The following SOX6 variants were observed in gnomAD, a reference collection of about 807,000 sequenced individuals.
SOX6 encodes transcription factor SOX-6.
SOX6 carries 11 observed loss-of-function variants against 97.8 expected under a neutral mutation model. That is an observed-to-expected ratio of 0.11 (90% CI 0.07 to 0.19). The LOEUF (loss-of-function observed/expected upper bound fraction) is 0.19, where lower values mean the gene tolerates loss of function less well. Ranked by LOEUF, SOX6 falls within the 10% of genes least tolerant of loss-of-function variation. The probability of loss-of-function intolerance (pLI) is 1.00; values close to 1 mark genes in which losing one functional copy is unlikely to be tolerated. For synonymous variants in SOX6, 360 were observed against 371.4 expected, an observed-to-expected ratio of 0.97 and a Z score of 0.35; for missense variants, 810 against 1,039.5, an observed-to-expected ratio of 0.78 and a Z score of 3.04.
At chr11:16,138,865 A>T (rs1484218357) in intron 6 of SOX6, among the ~76,000 whole-genome samples, 1 of 152,124 alleles carries the variant, frequency 6.6e-6, no homozygotes, top group African/African-American at 2.4e-5. Context: ...CCTTGTCCCT[A>T]CAAAGGACAT....
At chr11:16,423,093 T>C (rs887781216) in intron 1 of SOX6, among the ~76,000 whole-genome samples, 15 of 152,242 alleles carry the variant, frequency 9.9e-5, no homozygotes, top group African/African-American at 3.6e-4. Context: ...CTACCTAACC[T>C]GGCTACCAGC....
intron 4 of SOX6, among the ~76,000 whole-genome samples, chr11:16,598,669 G>GC (rs1426460494): frequency 1.3e-5 from 2 of 151,608 alleles, no homozygotes; most frequent in Admixed American, 1.3e-4. Flanking sequence ...AAAATCTGTT[G>GC]CATTTTCTTT....
intron 6 of SOX6, among the ~76,000 whole-genome samples, chr11:16,170,699 T>C (rs1356768398): frequency 6.6e-6 from 1 of 152,002 alleles, no homozygotes; most frequent in Non-Finnish European, 1.5e-5. Flanking sequence ...TCTGTCAAGG[T>C]GGAGATTAAA....
chr11:16,394,810 C>T (rs1416498593), intron 1 of SOX6, among the ~76,000 whole-genome samples: 2 of 151,668 alleles, frequency 1.3e-5, no homozygotes, highest in African/African-American at 4.8e-5. Flanking sequence ...AAGATTATAG[C>T]CACTGGGGCT....
intron 3 of SOX6, among the ~76,000 whole-genome samples, chr11:16,294,624 T>G (rs1230651285): frequency 1.3e-5 from 2 of 152,098 alleles, no homozygotes; most frequent in South Asian, 2.1e-4. Flanking sequence ...CCAGTTTTAA[T>G]GCTGTTATAA....
At chr11:16,540,792 C>T (rs1343176855) in intron 4 of SOX6, among the ~76,000 whole-genome samples, 41 of 152,090 alleles carry the variant, frequency 2.7e-4, no homozygotes, top group African/African-American at 8.9e-4. Flanking sequence ...TCAAGGAGAA[C>T]TACAAACCAC....
At chr11:16,430,754 A>C (rs1374604541) in intron 1 of SOX6, among the ~76,000 whole-genome samples, 15 of 152,198 alleles carry the variant, frequency 9.9e-5, no homozygotes, top group African/African-American at 3.6e-4. Flanking sequence ...CAGCAGCCCA[A>C]GTTGACTGAG....
intron 15 of SOX6, among the ~76,000 whole-genome samples, chr11:15,979,658 T>C (rs1853604330): frequency 6.6e-6 from 1 of 152,076 alleles, no homozygotes; most frequent in Non-Finnish European, 1.5e-5. Flanking sequence ...TATTTATTTC[T>C]TCTTGGAACA....
rs145870142 is a variant in SOX6 at position 16,636,166 on chromosome 11, A to G, written n.430-23906T>C. 6.4e-3 allele frequency among the ~76,000 whole-genome samples: 970 copies of G among 152,308 alleles called. 4 individuals carry two copies. Among genetic ancestry groups the G allele is most frequent in the Non-Finnish European group, 0.011 (766 of 68,020 alleles). On this transcript the variant is annotated intron_variant and non_coding_transcript_variant, in intron 3 of 5. Transcript: ENST00000524520. ...CTCCTAGAAAACCCACAGACATTCAATACCAGTCATGAAAGCAGCTGGGAG... is the reference window on the plus strand; with the variant it reads ...CTCCTAGAAAACCCACAGACATTCAGTACCAGTCATGAAAGCAGCTGGGAG...
chr11:16,064,721 C>T (rs1244436345), intron 9 of SOX6, among the ~76,000 whole-genome samples: 4 of 151,842 alleles, frequency 2.6e-5, no homozygotes, highest in Non-Finnish European at 5.9e-5. Context: ...ATATACAAAT[C>T]AATCAATGTG....
intron 4 of SOX6, among the ~76,000 whole-genome samples, chr11:16,595,603 CAAAAAAA>C (rs10712410): frequency 1.8e-4 from 20 of 113,842 alleles, no homozygotes; most frequent in Middle Eastern, 4.2e-3. Context: ...CCACCTCTAC[CAAAAAAA>C]AAAAAAAAAA....
chr11:16,355,932 T>C (rs1354102602), intron 1 of SOX6, among the ~76,000 whole-genome samples, 162 bp downstream of exon 1: 1 of 152,210 alleles, frequency 6.6e-6, no homozygotes, highest in East Asian at 1.9e-4. Flanking sequence ...ACAAATGTCA[T>C]GCAAAAATGC....
At chr11:16,517,889 C>G (rs1860998575) in intron 4 of SOX6, among the ~76,000 whole-genome samples, 1 of 152,130 alleles carries the variant, frequency 6.6e-6, no homozygotes, top group Non-Finnish European at 1.5e-5. Context: ...CAAAATGATT[C>G]TCAAATTTAA....
chr11:16,717,314 A>G (rs1469609797), intron 2 of SOX6, among the ~76,000 whole-genome samples: 1 of 152,104 alleles, frequency 6.6e-6, no homozygotes, highest in Non-Finnish European at 1.5e-5. Flanking sequence ...ATCAGTAATG[A>G]GACTAAAATT....
intron 4 of SOX6, among the ~76,000 whole-genome samples, chr11:16,550,000 A>C (rs1003511847): frequency 1.3e-5 from 2 of 152,164 alleles, no homozygotes; most frequent in Non-Finnish European, 2.9e-5. Flanking sequence ...AATAATCTAT[A>C]TCCTTCTAGA....
chr11:16,054,563 G>T (rs551746145), intron 10 of SOX6, among the ~76,000 whole-genome samples: 166 of 152,026 alleles, frequency 1.1e-3, no homozygotes, highest in African/African-American at 3.7e-3. Flanking sequence ...TTGGTATTTG[G>T]GATGCACTTT....
At chr11:16,350,599 A>G (rs1373352620) in intron 1 of SOX6, among the ~76,000 whole-genome samples, 4 of 152,266 alleles carry the variant, frequency 2.6e-5, no homozygotes, top group East Asian at 1.9e-4. Context: ...TTATACTCCT[A>G]CAGAGTATTT....
chr11:16,344,988 G>A (rs1346175938), intron 1 of SOX6, among the ~76,000 whole-genome samples: 1 of 151,810 alleles, frequency 6.6e-6, no homozygotes, highest in Non-Finnish European at 1.5e-5. Flanking sequence ...TCTTTACTGT[G>A]CTCCCAGCCA....
intron 3 of SOX6, among the ~76,000 whole-genome samples, chr11:16,639,428 G>A (rs1465161895): frequency 1.3e-5 from 2 of 152,188 alleles, no homozygotes; most frequent in Non-Finnish European, 2.9e-5. Flanking sequence ...GAACTTTAAA[G>A]TAGTTTTTTC....
Sources: gnomAD v4.1 joint callset for allele counts (sites outside exome capture counted in the v4.1 genomes callset) on GRCh38, gnomAD v4.1.1 for gene constraint, MANE v1.5 for transcripts, NCBI Gene and HGNC (gene_info 2026-07-23, HGNC 2026-07-21) for gene names.